CPZ: variants seen among roughly 807,000 people sequenced by gnomAD.
The protein encoded by CPZ is VEZT/CPZ fusion.
CPZ carries 103 observed loss-of-function variants against 61.8 expected under a neutral mutation model. The observed-to-expected ratio is 1.67, with a 90% confidence interval of 1.42 to 1.96. CPZ has a LOEUF of 1.96. CPZ is among the 30% of genes most tolerant of loss of function. The probability of loss-of-function intolerance (pLI) is 0.00; values close to 1 mark genes in which losing one functional copy is unlikely to be tolerated. For missense variants in CPZ, 1,461 were observed against 914.9 expected, an observed-to-expected ratio of 1.60 and a Z score of -7.70; for synonymous variants, 551 against 373.7, an observed-to-expected ratio of 1.47 and a Z score of -5.47.
In CPZ at chr4:8,619,724, C is replaced by T; in HGVS notation, c.*107C>T. The T allele has an allele frequency of 1.2e-6, 1 of 844,282 alleles. No homozygotes were observed. The highest frequency in any genetic ancestry group is 1.7e-6 in the Non-Finnish European group (1 of 579,402). The allele number at this position is 844,282 out of a possible 1,614,324, so 52.3% of individuals were successfully genotyped here. A position where few individuals can be genotyped will look rare whatever the true frequency, so the allele number is the denominator to read the frequency against. On this transcript the variant is annotated 3_prime_UTR_variant, in exon 11 of 11. Transcript: ENST00000360986. ...CACAGACATCCCACAAAGCCGCTGC[C>T]ATTTTATTAAAGTGTTTTGATCCAC...
rs372399181 is a variant in CPZ, at chr4:8,599,471, C to T, written c.107C>T (p.Pro36Leu). 168 of 1,612,336 alleles carry T rather than the reference C, an allele frequency of 1.0e-4. No homozygotes were observed. Among genetic ancestry groups the T allele is most frequent in the Non-Finnish European group, 1.3e-4 (154 of 1,178,960 alleles). ...TTTCCAGGTGAATGCCACAGGCCACCAGCTGCAGACAGCGGTACAGTACCG... is the reference window on the plus strand; with the variant it reads ...TTTCCAGGTGAATGCCACAGGCCACTAGCTGCAGACAGCGGTACAGTACCG... ...RNPAGECHRP[P>L]AADSATCVDL... Residue 36 changes from proline (P) to leucine (L), a missense_variant, in exon 2 of 11, where the codon CCA becomes CTA. Transcript: ENST00000360986.
chr4:8,614,266 T>A, intron 8 of CPZ, 93 bp from the exon 9 acceptor site: 1 of 1,465,520 alleles, frequency 6.8e-7, no homozygotes, highest in Non-Finnish European at 9.1e-7. Flanking sequence ...CACCCCGGCG[T>A]CCCGGCTGTC....
chr4:8,605,631 A>ATC (rs1714925455), intron 4 of CPZ, among the ~76,000 whole-genome samples: 1 of 121,770 alleles, frequency 8.2e-6, no homozygotes, highest in South Asian at 2.5e-4. Flanking sequence ...TCCATCATTG[A>ATC]TATATCCATT....
chr4:8,600,945 G>C, intron 2 of CPZ, 178 bp from the exon 3 acceptor site: 1 of 1,352,064 alleles, frequency 7.4e-7, no homozygotes, highest in Non-Finnish European at 9.5e-7. Context: ...CTCCTCCTCT[G>C]GTCTCTCACA....
rs371933588 is a variant in CPZ at position 8,614,541 on chromosome 4, G to C, written c.1503+43G>C. Reference sequence around the variant, plus strand: ...CAGGGCTCTGGTCCAGCTGTGGCCTGGGTGGGGTGGGTCACATTCAGGCCC... The same window carrying C: ...CAGGGCTCTGGTCCAGCTGTGGCCTCGGTGGGGTGGGTCACATTCAGGCCC... On this transcript the variant is annotated intron_variant, in intron 9 of 10. Transcript: ENST00000360986. 9.4e-6 allele frequency: 15 copies of C among 1,596,798 alleles called. No homozygotes were observed. In the African/African-American group the frequency reaches 1.3e-4, roughly 14 times the overall value.
intron 2 of CPZ, among the ~76,000 whole-genome samples, chr4:8,600,758 G>A (rs1714516763): frequency 6.6e-6 from 1 of 152,256 alleles, no homozygotes; most frequent in African/African-American, 2.4e-5. Flanking sequence ...GGACGTCTTT[G>A]TGCTGCGGCT....
In CPZ at chr4:8,601,406, C is replaced by T. The variant is rs1375446431; in HGVS notation, c.405C>T (p.Ala135=). ...AGGTCTGCCAGCCCGCCTTCGACGC[C>T]ATTGACATGGCCTGGCCCTACTTCC... ...LREVCQPAFD[A]IDMAWPYFLD... Residue 135 remains alanine (A), a synonymous_variant, in exon 3 of 11, where the codon GCC becomes GCT. Coordinates refer to ENST00000360986, the MANE Select transcript of CPZ (RefSeq NM_001014447.3). 6.3e-7 allele frequency: 1 copy of T among 1,588,484 alleles called. No homozygotes were observed. The highest frequency in any genetic ancestry group is 1.1e-5 in the South Asian group (1 of 88,518).
rs142996350 is a variant in CPZ, at chr4:8,619,332, C to T, written c.1674C>T (p.Tyr558=). 3.1e-4 allele frequency: 494 copies of T among 1,614,136 alleles called. 2 individuals carry two copies. In the African/African-American group the frequency reaches 3.3e-3, roughly 11 times the overall value. ...IHIVIAQAPG[Y]AKVIKKVIIP... ...TTGTCATTGCCCAAGCCCCTGGCTA[C>T]GCCAAAGTCATCAAGAAAGTCATCA... The change falls in exon 11 of 11, where the codon TAC becomes TAT. Residue 558 remains tyrosine (Y), a synonymous_variant. Transcript: ENST00000360986.
At chr4:8,599,538 CA>C in intron 2 of CPZ, 53 bp downstream of exon 2, 1 of 1,607,082 alleles carries the variant, frequency 6.2e-7, no homozygotes, top group Non-Finnish European at 8.5e-7. Flanking sequence ...CTGCAGCCCC[CA>C]CACTGTCAGA....
intron 1 of CPZ, among the ~76,000 whole-genome samples, chr4:8,595,364 C>T (rs953887022): frequency 5.3e-5 from 8 of 152,166 alleles, no homozygotes; most frequent in East Asian, 1.9e-4. Context: ...CTGTGTCCCA[C>T]GGTGGTTGGG....
At chr4:8,604,291 C>A in intron 4 of CPZ, 103 bp downstream of exon 4, 3 of 1,164,954 alleles carry the variant, frequency 2.6e-6, no homozygotes, top group East Asian at 2.6e-5. Flanking sequence ...GGGTCCTGGG[C>A]AGAGCTGGGG....
In CPZ at chr4:8,607,283, A is replaced by G; in HGVS notation, c.1085A>G (p.Lys362Arg). 1 of 1,614,012 alleles carries G rather than the reference A, an allele frequency of 6.2e-7. No individual in the cohort carries two copies. Among genetic ancestry groups the G allele is most frequent in the African/African-American group, 1.3e-5 (1 of 75,052 alleles). Residue 362 changes from lysine (K) to arginine (R), a missense_variant, in exon 7 of 11, where the codon AAG becomes AGG. By Grantham distance (26) the Lys-to-Arg change is conservative. Transcript: ENST00000360986. The stretch of plus-strand genomic sequence containing the variant: ...CCTGGGCAGGTGGCCCCGGAGACAA[A>G]GGCAATCATGAAGTGGATGCAGACC... Reference protein sequence around the residue: ...YWWGKVAPETKAIMKWMQTIP... With the variant: ...YWWGKVAPETRAIMKWMQTIP...
intron 4 of CPZ, among the ~76,000 whole-genome samples, chr4:8,605,611 C>CAGCCAGCCATT (rs1391687215): frequency 7.1e-6 from 1 of 140,592 alleles, no homozygotes; most frequent in South Asian, 2.6e-4. Flanking sequence ...TCCATCCATC[C>CAGCCAGCCATT]ATCCATCCAT....
Position 8,619,497 on chromosome 4 carries a change from C to G in CPZ, c.1839C>G (p.Ala613=), listed in dbSNP as rs904436100. Residue 613 remains alanine, a synonymous_variant, in exon 11 of 11, where the codon GCC becomes GCG. Coordinates refer to ENST00000360986, the MANE Select transcript of CPZ (RefSeq NM_001014447.3). ...PLGGASSLGE[A]TEPDPLRARR... is the part of the protein sequence containing the mutation. ...GAGGTGCCAGCTCTTTGGGGGAGGC[C>G]ACGGAGCCCGACCCGCTCCGGGCGC... 2 of 1,606,448 alleles carry G rather than the reference C, an allele frequency of 1.2e-6. No individual in the cohort carries two copies. Among genetic ancestry groups the G allele is most frequent in the Non-Finnish European group, 1.7e-6 (2 of 1,175,228 alleles).
intron 8 of CPZ, 132 bp from the exon 9 acceptor site, chr4:8,614,219 TGACACCCC>T: frequency 8.4e-7 from 1 of 1,196,118 alleles, no homozygotes; most frequent in Non-Finnish European, 1.1e-6. Context: ...GGCACTTGGC[TGACACCCC>T]GACGTCCCGG....
At chr4:8,606,293 G>A (rs1173361778) in intron 5 of CPZ, 108 bp downstream of exon 5, 12 of 1,129,366 alleles carry the variant, frequency 1.1e-5, no homozygotes, top group African/African-American at 3.1e-5. Flanking sequence ...GCCTCTCTAG[G>A]AGAGGAGCAT....
At chr4:8,612,211 GCTGGGTGGGGC>G in intron 8 of CPZ, 49 bp downstream of exon 8, 3 of 215,366 alleles carry the variant, frequency 1.4e-5, no homozygotes, top group Admixed American at 6.6e-5. Context: ...GGGTGCAGGG[GCTGGGTGGGGC>G]AGGGGCAAGG....
chr4:8,613,246 C>G (rs896868166), intron 8 of CPZ, among the ~76,000 whole-genome samples: 3 of 152,230 alleles, frequency 2.0e-5, no homozygotes, highest in Non-Finnish European at 4.4e-5. Context: ...ATTCTCCTGC[C>G]TCAGCCTCCC....
At chr4:8,596,309 C>G (rs1714174769) in intron 1 of CPZ, among the ~76,000 whole-genome samples, 1 of 152,252 alleles carries the variant, frequency 6.6e-6, no homozygotes, top group African/African-American at 2.4e-5. Context: ...CTAGGCCTCC[C>G]AAAGTGCTGG....
Sources: gnomAD v4.1 joint callset for allele counts (sites outside exome capture counted in the v4.1 genomes callset) on GRCh38, gnomAD v4.1.1 for gene constraint, MANE v1.5 for transcripts, NCBI Gene and HGNC (gene_info 2026-07-23, HGNC 2026-07-21) for gene names.